Variants in TRAP1 observed in about 807,000 individuals in gnomAD.
TRAP1 encodes the protein TNF receptor associated protein 1, also known as heat shock protein 75 kDa, mitochondrial.
In TRAP1, 102 loss-of-function variants were observed where a neutral mutation model predicts 89.1. The observed-to-expected ratio is 1.15, with a 90% CI of 0.98 to 1.35. TRAP1 has a LOEUF of 1.35. TRAP1 is among the 40% of genes most tolerant of loss of function. The pLI is 0.00. For missense variants in TRAP1, 1,256 were observed against 945.3 expected (o/e 1.33, Z -4.31); for synonymous variants, 508 against 388.0 (o/e 1.31, Z -3.64).
In TRAP1 at chr16:3,674,329, A is replaced by G. The variant is rs190882078; in HGVS notation, c.1044+10T>C. 8.1e-4 allele frequency: 1,300 copies of G among 1,613,650 alleles called. 6 individuals are homozygous for G. The African/African-American group carries it at 0.015, about 18-fold the overall frequency. ...ACCCTGAGGGCCGTGGGACTGCCAC[A>G]GTGCCTCACCATGTCGGGCACGTAG... On this transcript the variant is annotated intron_variant, in intron 9 of 17. Coordinates refer to ENST00000246957, the MANE Select transcript of TRAP1 (RefSeq NM_016292.3).
intron 1 of TRAP1, among the ~76,000 whole-genome samples, chr16:3,705,116 G>A (rs2051422929): frequency 6.6e-6 from 1 of 152,132 alleles, no homozygotes; most frequent in African/African-American, 2.4e-5. Flanking sequence ...CCAGGCTGGA[G>A]TGCAGTGGAG....
rs925560201 is a variant in TRAP1 at position 3,658,286 on chromosome 16, T to C, written c.2014-56A>G. On this transcript the variant is annotated intron_variant, in intron 17 of 17. Coordinates refer to ENST00000246957, the MANE Select transcript of TRAP1 (RefSeq NM_016292.3). ...GGGGCATGGGGCACCTTTTCATTTT[T>C]TTTTTTTTGAGACAGAGTCTCACTG... 2.9e-4 allele frequency: 412 copies of C among 1,443,868 alleles called. 3 individuals are homozygous for C. The highest frequency in any genetic ancestry group is 3.8e-4 in the Non-Finnish European group (397 of 1,041,406). 89.4% of individuals were successfully genotyped at this position (1,443,868 alleles called of 1,614,324 possible).
intron 16 of TRAP1, chr16:3,660,240 C>G (rs1453863174): frequency 6.6e-6 from 1 of 152,242 alleles, no homozygotes; most frequent in Non-Finnish European, 1.5e-5. Flanking sequence ...TACAAAAGCC[C>G]TAATGCTGGC....
chr16:3,699,418 C>T (rs1417274827), intron 1 of TRAP1, among the ~76,000 whole-genome samples: 2 of 152,126 alleles, frequency 1.3e-5, no homozygotes, highest in African/African-American at 4.8e-5. Flanking sequence ...GGGTGGATCA[C>T]CTGAGGTCAG....
In TRAP1 at chr16:3,679,708, C is replaced by T. The variant is rs377664068; in HGVS notation, c.543+11G>A. ...GGGAAGGGGGAGGCTGTGTGGGGGC[C>T]CCACGCTTACCTTTGACCCCGATCT... On this transcript the variant is annotated intron_variant, in intron 5 of 17. Transcript: ENST00000246957. 5.6e-6 allele frequency: 9 copies of T among 1,613,848 alleles called. No homozygotes were observed. In the African/African-American group the frequency reaches 1.1e-4, roughly 19 times the overall value.
intron 1 of TRAP1, among the ~76,000 whole-genome samples, chr16:3,710,137 G>A (rs941537940): frequency 6.6e-6 from 1 of 152,062 alleles, no homozygotes; most frequent in Admixed American, 6.6e-5. Flanking sequence ...ATAACTCCTT[G>A]AACATAAAGA....
At position 3,677,585 on chromosome 16, in the gene TRAP1, T is replaced by C. The variant is rs149991698; in HGVS notation, c.617A>G (p.Tyr206Cys). Residue 206 changes from tyrosine to cysteine, a missense_variant, in exon 6 of 18, where the codon TAC becomes TGC. By Grantham distance (194) the Tyr-to-Cys change is radical. Coordinates refer to ENST00000246957, the MANE Select transcript of TRAP1 (RefSeq NM_016292.3). ...KIIGQFGVGF[Y>C]SAFMVADRVE... ...TCTGTCAGCCACCATGAAAGCTGAG[T>C]AGAAACCCACTCCAAACTGGCCGAT... The C allele has an allele frequency of 1.9e-6, 3 of 1,613,962 alleles. No homozygotes were observed. Among genetic ancestry groups the C allele is most frequent in the African/African-American group, 1.3e-5 (1 of 74,896 alleles).
At chr16:3,672,619 T>C in intron 10 of TRAP1, 81 bp downstream of exon 10, 1 of 1,483,764 alleles carries the variant, frequency 6.7e-7, no homozygotes, top group Non-Finnish European at 8.9e-7. Flanking sequence ...CTGCTGAGAA[T>C]GGAATCAGCA....
intron 16 of TRAP1, 86 bp from the exon 17 acceptor site, chr16:3,658,951 AAAGAAGCACAGT>A: frequency 2.2e-6 from 3 of 1,376,428 alleles, no homozygotes; most frequent in South Asian, 1.2e-5. Context: ...CAGGATATTT[AAAGAAGCACAGT>A]AAGACTGTCT....
intron 1 of TRAP1, among the ~76,000 whole-genome samples, chr16:3,698,441 T>C (rs1418479275): frequency 6.6e-6 from 1 of 151,642 alleles, no homozygotes; most frequent in East Asian, 2.0e-4. Context: ...CTCCCAAGAC[T>C]ACAGGCGCCC....
In TRAP1 at chr16:3,658,455, C is replaced by T. The variant is rs542357934; in HGVS notation, c.2014-225G>A. 331 of 584,542 alleles carry T rather than the reference C, an allele frequency of 5.7e-4. 6 individuals are homozygous for T. In the South Asian group the frequency reaches 5.7e-3, roughly 10 times the overall value. 36.2% of individuals were successfully genotyped at this position (584,542 alleles called of 1,614,324 possible). ...TTTTAAAACAGAATTTGGCTGGGCA[C>T]GGTGGCTCACGAGGTCAGGAGATTG... On this transcript the variant is annotated intron_variant, in intron 17 of 17. Transcript: ENST00000246957.
At chr16:3,716,189 A>G (rs1360699802) in intron 1 of TRAP1, among the ~76,000 whole-genome samples, 3 of 152,218 alleles carry the variant, frequency 2.0e-5, no homozygotes, top group Non-Finnish European at 4.4e-5. Flanking sequence ...TTTTGAAAAG[A>G]CATAAGATTC....
intron 4 of TRAP1, among the ~76,000 whole-genome samples, chr16:3,681,061 C>T (rs1363289077): frequency 3.9e-5 from 6 of 152,176 alleles, no homozygotes; most frequent in Non-Finnish European, 8.8e-5. Flanking sequence ...CCTCAAAGCC[C>T]AGTCAGACTC....
At chr16:3,670,299 C>T (rs989240169) in intron 11 of TRAP1, among the ~76,000 whole-genome samples, 2 of 141,142 alleles carry the variant, frequency 1.4e-5, no homozygotes, top group Non-Finnish European at 1.5e-5. Context: ...AGGAGAATGG[C>T]GTGAACCTAG....
At chr16:3,658,693 A>ACAAAAAGAC (rs56682055) in intron 17 of TRAP1, 100 bp downstream of exon 17, 2 of 1,200,032 alleles carry the variant, frequency 1.7e-6, no homozygotes, top group Non-Finnish European at 1.2e-6. Flanking sequence ...AAACAAACAA[A>ACAAAAAGAC]AAGACAGGAT....
At position 3,676,150 on chromosome 16, in the gene TRAP1, G is replaced by A. The variant is rs771162097; in HGVS notation, c.705-5C>T. ...GCGATTTCAAACACTCCAGAACTAA[G>A]GCAGGCAAAGAAAGGAAAAGCCAGG... On this transcript the variant is annotated splice_region_variant and splice_polypyrimidine_tract_variant and intron_variant, in intron 6 of 17. Coordinates refer to ENST00000246957, the MANE Select transcript of TRAP1 (RefSeq NM_016292.3). The A allele has an allele frequency of 6.2e-7, 1 of 1,612,476 alleles. No individual in the cohort carries two copies. The highest frequency in any genetic ancestry group is 2.2e-5 in the East Asian group (1 of 44,814).
intron 1 of TRAP1, among the ~76,000 whole-genome samples, chr16:3,699,092 G>A (rs927302044): frequency 1.3e-5 from 2 of 152,044 alleles, no homozygotes; most frequent in Admixed American, 6.6e-5. Flanking sequence ...GGGAAGCACT[G>A]ATAGTTTGAA....
intron 4 of TRAP1, among the ~76,000 whole-genome samples, chr16:3,684,058 T>TG (rs1450682906): frequency 1.3e-5 from 2 of 151,564 alleles, no homozygotes; most frequent in Admixed American, 1.3e-4. Flanking sequence ...CCCAGCTACT[T>TG]GGGGGGCTGA....
At chr16:3,663,128 G>A (rs1175327877) in intron 14 of TRAP1, 161 bp from the exon 15 acceptor site, 4 of 676,068 alleles carry the variant, frequency 5.9e-6, no homozygotes, top group African/African-American at 5.4e-5. Flanking sequence ...CTCAAAGGAT[G>A]CTTCAGGTTG....
Sources: gnomAD v4.1 joint callset for allele counts (sites outside exome capture counted in the v4.1 genomes callset) on GRCh38, gnomAD v4.1.1 for gene constraint, MANE v1.5 for transcripts, NCBI Gene and HGNC (gene_info 2026-07-23, HGNC 2026-07-21) for gene names.